FBN3: variants seen among roughly 807,000 people sequenced by gnomAD.
FBN3 encodes the protein fibrillin 3.
In FBN3, 234 loss-of-function variants were observed where a neutral mutation model predicts 330.1. That is an observed-to-expected ratio of 0.71 (90% confidence interval 0.64 to 0.79). FBN3 has a LOEUF of 0.79. FBN3 is among the 30% of genes least tolerant of loss of function. The pLI is 0.00. For synonymous variants in FBN3, 1,458 were observed against 1,517.3 expected (o/e 0.96, Z 0.91); for missense variants, 3,606 against 3,886.9 (o/e 0.93, Z 1.92).
chr19:8,112,674 A>T (rs183041253), intron 30 of FBN3, among the ~76,000 whole-genome samples: 234 of 152,252 alleles, frequency 1.5e-3, no homozygotes, highest in African/African-American at 5.2e-3. Flanking sequence ...ATAAAAAAAT[A>T]AAAAAGTGAC....
chr19:8,065,842 G>A lies in FBN3; in HGVS notation c.*77C>T, dbSNP rs949180938. Reference sequence around the variant, plus strand: ...TCGGGGTTCAATCTGGTCAGCCATCGCTTCTGGGGATCAGTCCTTCCCAGT... The same window carrying A: ...TCGGGGTTCAATCTGGTCAGCCATCACTTCTGGGGATCAGTCCTTCCCAGT... On this transcript the variant is annotated 3_prime_UTR_variant, in exon 64 of 64. Transcript: ENST00000600128. 4.9e-5 allele frequency: 59 copies of A among 1,215,866 alleles called. No individual in the cohort carries two copies. The highest frequency in any genetic ancestry group is 2.7e-4 in the African/African-American group (18 of 65,676). 75.3% of individuals were successfully genotyped at this position (1,215,866 alleles called of 1,614,324 possible). A position where few individuals can be genotyped will look rare whatever the true frequency, so the allele number is the denominator to read the frequency against.
chr19:8,126,835 GT>G lies in FBN3; in HGVS notation c.2297-4del, dbSNP rs2083000964. On this transcript the variant is annotated splice_region_variant and splice_polypyrimidine_tract_variant and intron_variant, in intron 18 of 63. Coordinates refer to ENST00000600128, the MANE Select transcript of FBN3 (RefSeq NM_032447.5). ...GCTGGACAGGCATTCGTCGACATCT[GT>G]GGGGACAGCCCCCCACCAGGTCCTG... The G allele has an allele frequency of 6.5e-7, 1 of 1,547,146 alleles. No individual in the cohort carries two copies. Among genetic ancestry groups the G allele is most frequent in the African/African-American group, 1.4e-5 (1 of 72,532 alleles).
At chr19:8,114,490 C>T (rs1406730082) in intron 30 of FBN3, among the ~76,000 whole-genome samples, 1 of 152,172 alleles carries the variant, frequency 6.6e-6, no homozygotes, top group Non-Finnish European at 1.5e-5. Flanking sequence ...CTCAGGTAAT[C>T]CACCCACCTC....
intron 49 of FBN3, 35 bp downstream of exon 49, chr19:8,090,064 T>C (rs1433471162): frequency 6.2e-7 from 1 of 1,607,818 alleles, no homozygotes. Context: ...TGAGGGCACA[T>C]CATCCAGGGA....
chr19:8,130,940 C>A (rs988420574), intron 16 of FBN3, among the ~76,000 whole-genome samples: 1 of 151,890 alleles, frequency 6.6e-6, no homozygotes, highest in African/African-American at 2.4e-5. Flanking sequence ...TGGGGTGACG[C>A]CTCTATGAGC....
intron 36 of FBN3, among the ~76,000 whole-genome samples, chr19:8,108,544 C>T (rs10445638): frequency 0.11 from 17,155 of 151,970 alleles, 1,284 homozygotes; most frequent in East Asian, 0.26. Context: ...GAAGATTATT[C>T]CTTCTGATCC....
At chr19:8,077,825 C>T (rs891061577) in intron 59 of FBN3, among the ~76,000 whole-genome samples, 4 of 152,144 alleles carry the variant, frequency 2.6e-5, no homozygotes, top group Non-Finnish European at 5.9e-5. Flanking sequence ...GCCTGCAATC[C>T]CAGCACTTTG....
chr19:8,145,246 C>T (rs2083505515), intron 5 of FBN3, among the ~76,000 whole-genome samples: 1 of 151,908 alleles, frequency 6.6e-6, no homozygotes, highest in Admixed American at 6.6e-5. Flanking sequence ...TGGTGGCCGG[C>T]TCTTTTAATC....
chr19:8,082,134 CTTT>C (rs113530025), intron 57 of FBN3, among the ~76,000 whole-genome samples: 2 of 151,272 alleles, frequency 1.3e-5, no homozygotes, highest in Admixed American at 6.6e-5. Flanking sequence ...AATTTTTTTT[CTTT>C]TTTTCTTTTT....
At position 8,148,559 on chromosome 19, in the gene FBN3, G is replaced by A. The variant is rs1413383963; in HGVS notation, c.-18+890C>T. Among the ~76,000 whole-genome samples the A allele has an allele frequency of 3.3e-5, 5 of 152,240 alleles. No individual in the cohort carries two copies. In the South Asian group the frequency reaches 8.3e-4, roughly 25 times the overall value. ...GGTCTTTCCTGGGCCATGAAGGACG[G>A]GAGGGAGAAGACCGGGACAGGAGAC... is the stretch of plus-strand genomic sequence containing the variant. On this transcript the variant is annotated intron_variant, in intron 1 of 63. Transcript: ENST00000600128.
chr19:8,110,147 C>T (rs1329356613), intron 34 of FBN3, among the ~76,000 whole-genome samples: 1 of 152,236 alleles, frequency 6.6e-6, no homozygotes, highest in African/African-American at 2.4e-5. Context: ...CCTCAAACTC[C>T]TGGGCTCAAG....
At chr19:8,090,307 C>A (rs1190134291) in intron 48 of FBN3, 56 bp from the exon 49 acceptor site, 24 of 1,597,128 alleles carry the variant, frequency 1.5e-5, no homozygotes, top group Non-Finnish European at 2.1e-5. Context: ...TGCCCACCTG[C>A]CCCTGTGACC....
Position 8,131,832 on chromosome 19 carries a change from G to T in FBN3, c.1715-3C>A. 1.3e-6 allele frequency: 2 copies of T among 1,580,774 alleles called. No individual in the cohort carries two copies. The highest frequency in any genetic ancestry group is 8.6e-7 in the Non-Finnish European group (1 of 1,157,970). Reference sequence around the variant, plus strand: ...GGGCGTCTGGCACTCGTCAATGTCTGCAGAAGCAGTGGCGGCACGGGGATG... The same window carrying T: ...GGGCGTCTGGCACTCGTCAATGTCTTCAGAAGCAGTGGCGGCACGGGGATG... On this transcript the variant is annotated splice_polypyrimidine_tract_variant and splice_region_variant and intron_variant, in intron 14 of 63. Transcript: ENST00000600128. This position sits in a 1 kb window ranked among gnomAD's most constrained non-coding sequence, Gnocchi z 4.5.
Position 8,088,141 on chromosome 19 carries a change from C to T in FBN3, c.6415G>A (p.Gly2139Arg). The change falls in exon 52 of 64, where the codon GGG becomes AGG. Residue 2139 changes from glycine (G) to arginine (R), a missense_variant. Physicochemically the swap from Gly to Arg is moderately radical, Grantham distance 125. Coordinates refer to ENST00000600128, the MANE Select transcript of FBN3 (RefSeq NM_032447.5). ...CCTCCGATGACATTGGTGCATGTCC[C>T]TTGCCCACAGGGGTGGCCGACAGAG... ...ECSVGHPCGQ[G>R]TCTNVIGGFE... 6.2e-7 allele frequency: 1 copy of T among 1,612,808 alleles called. No homozygotes were observed. Among genetic ancestry groups the T allele is most frequent in the Non-Finnish European group, 8.5e-7 (1 of 1,179,262 alleles).
chr19:8,113,872 G>A (rs2082647633), intron 30 of FBN3, among the ~76,000 whole-genome samples: 1 of 151,260 alleles, frequency 6.6e-6, no homozygotes, highest in Admixed American at 6.6e-5. Context: ...GCTGAGTGTG[G>A]CGGCACGTGT....
chr19:8,088,159 C>A lies in FBN3; in HGVS notation c.6397G>T (p.Gly2133Cys), dbSNP rs138232748. The A allele has an allele frequency of 2.5e-6, 4 of 1,605,922 alleles. No homozygotes were observed. The Admixed American group carries it at 6.7e-5, about 27-fold the overall frequency. Residue 2133 changes from glycine to cysteine, a missense_variant, in exon 52 of 64, where the codon GGC (glycine) becomes TGC (cysteine). By Grantham distance (159) the Gly-to-Cys change is radical. Coordinates refer to ENST00000600128, the MANE Select transcript of FBN3 (RefSeq NM_032447.5). ...CATGTCCCTTGCCCACAGGGGTGGC[C>A]GACAGAGCACTCGTCTGTGTCTGGG... Reference protein sequence around the residue: ...NCVDTDECSVGHPCGQGTCTN... With the variant: ...NCVDTDECSVCHPCGQGTCTN...
At chr19:8,103,182 G>A (rs998999394) in intron 39 of FBN3, among the ~76,000 whole-genome samples, 3 of 149,232 alleles carry the variant, frequency 2.0e-5, no homozygotes, top group South Asian at 2.1e-4. Flanking sequence ...CAGGAGAATC[G>A]CTTGAACCTG....
chr19:8,130,296 A>G (rs576954766), intron 16 of FBN3, among the ~76,000 whole-genome samples: 7 of 151,070 alleles, frequency 4.6e-5, no homozygotes, highest in African/African-American at 1.7e-4. Context: ...TGAGGCTAGA[A>G]GTTTGAGACA....
chr19:8,143,570 C>A (rs1353705186), intron 6 of FBN3, among the ~76,000 whole-genome samples: 3 of 143,692 alleles, frequency 2.1e-5, no homozygotes, highest in African/African-American at 7.9e-5. Flanking sequence ...GATCTTGGCT[C>A]ACTGCCTCCC....
Sources: gnomAD v4.1 joint callset for allele counts (sites outside exome capture counted in the v4.1 genomes callset) on GRCh38, gnomAD v4.1.1 for gene constraint, Gnocchi (gnomAD v3.1) non-coding constraint, MANE v1.5 for transcripts, NCBI Gene and HGNC (gene_info 2026-07-23, HGNC 2026-07-21) for gene names.